The following GRID2 variants were observed in gnomAD, a reference collection of about 807,000 sequenced individuals.
GRID2 encodes the protein glutamate ionotropic receptor delta type subunit 2, also known as glutamate receptor ionotropic, delta-2.
A neutral mutation model predicts 114.8 loss-of-function variants in GRID2; 33 were observed. That is an observed-to-expected ratio of 0.29 (90% CI 0.22 to 0.38). The LOEUF (loss-of-function observed/expected upper bound fraction) is 0.38. GRID2 is among the 10% of genes least tolerant of loss of function. The probability of loss-of-function intolerance (pLI) is 1.00; values close to 1 mark genes in which losing one functional copy is unlikely to be tolerated. For missense variants in GRID2, 1,184 were observed against 1,257.7 expected (o/e 0.94, Z 0.89); for synonymous variants, 505 against 449.9 (o/e 1.12, Z -1.55).
Position 92,460,053 on chromosome 4 carries a change from T to TATATATATATATATATATATATATATAC in GRID2, c.89-130077_89-130076insTATATATATATATATATATATATATACA, listed in dbSNP as rs1032538170. On this transcript the variant is annotated intron_variant, in intron 1 of 15. Transcript: ENST00000282020. ...CTCACTATATATATATATATATATATACACACACAACTTTTTGGTTCTGTT... is the reference window on the plus strand; with the variant it reads ...CTCACTATATATATATATATATATATATATATATATATATATATATATATATACACACACACAACTTTTTGGTTCTGTT... Among the ~76,000 whole-genome samples the TATATATATATATATATATATATATATAC allele has an allele frequency of 6.8e-4, 68 of 99,722 alleles. 1 individual carries two copies. Among genetic ancestry groups the TATATATATATATATATATATATATATAC allele is most frequent in the South Asian group, 1.2e-3 (3 of 2,506 alleles). The allele number at this position is 99,722 out of a possible 152,430, so 65.4% of individuals were successfully genotyped here.
At chr4:92,419,349 G>T (rs1731776249) in intron 1 of GRID2, among the ~76,000 whole-genome samples, 1 of 152,116 alleles carries the variant, frequency 6.6e-6, no homozygotes, top group Non-Finnish European at 1.5e-5. Context: ...AGAAGTAATT[G>T]AAGCTGTGGA....
At chr4:92,706,124 A>T (rs749429503) in intron 2 of GRID2, among the ~76,000 whole-genome samples, 32 of 152,090 alleles carry the variant, frequency 2.1e-4, no homozygotes, top group Non-Finnish European at 3.8e-4. Flanking sequence ...CCTAAGAAAA[A>T]CGGGGGAGCA....
intron 13 of GRID2, among the ~76,000 whole-genome samples, chr4:93,523,169 T>C (rs1167640712): frequency 5.3e-5 from 8 of 152,114 alleles, no homozygotes; most frequent in Non-Finnish European, 1.5e-5. Flanking sequence ...GTATGAGTGT[T>C]GTAGCAGAGA....
intron 8 of GRID2, among the ~76,000 whole-genome samples, chr4:93,312,550 G>C (rs770738744): frequency 2.0e-5 from 3 of 152,104 alleles, no homozygotes; most frequent in Non-Finnish European, 4.4e-5. Context: ...GGAAGTTGAG[G>C]GTAGGGAAGT....
chr4:93,563,491 G>A (rs552940883), intron 13 of GRID2, among the ~76,000 whole-genome samples: 9 of 151,876 alleles, frequency 5.9e-5, no homozygotes, highest in South Asian at 2.1e-4. Context: ...TGAATGTATC[G>A]TATAGATTTG....
chr4:92,788,004 A>T (rs1739402999), intron 2 of GRID2, among the ~76,000 whole-genome samples: 2 of 151,948 alleles, frequency 1.3e-5, no homozygotes, highest in South Asian at 4.1e-4. Context: ...TTCCAAAGCA[A>T]TGTAAGAGTT....
intron 4 of GRID2, among the ~76,000 whole-genome samples, chr4:93,113,983 G>T (rs535660113): frequency 5.9e-5 from 9 of 152,220 alleles, no homozygotes; most frequent in African/African-American, 2.2e-4. Flanking sequence ...GTTTGGTGAC[G>T]AAAGTAAGGG....
chr4:93,800,380 A>T (rs1734904459), intron 1 of GRID2, among the ~76,000 whole-genome samples: 1 of 152,228 alleles, frequency 6.6e-6, no homozygotes, highest in Admixed American at 6.5e-5. Context: ...AATGTCTGAC[A>T]CGTATCTTAT....
intron 5 of GRID2, 102 bp from the exon 6 acceptor site, chr4:93,216,636 C>T (rs2149482669): frequency 2.6e-6 from 2 of 757,928 alleles, no homozygotes; most frequent in Non-Finnish European, 2.2e-6. Flanking sequence ...CAATATATTA[C>T]AGTAACAGAA....
At chr4:93,555,604 AGTCAGG>A (rs1734237469) in intron 13 of GRID2, among the ~76,000 whole-genome samples, 1 of 152,202 alleles carries the variant, frequency 6.6e-6, no homozygotes, top group African/African-American at 2.4e-5. Flanking sequence ...CAGCAACCCC[AGTCAGG>A]GGCTTATAGA....
chr4:93,614,177 C>A (rs767860571), intron 13 of GRID2, among the ~76,000 whole-genome samples: 1 of 152,186 alleles, frequency 6.6e-6, no homozygotes, highest in Non-Finnish European at 1.5e-5. Context: ...AGCTCGCGCA[C>A]GGTGCGTGCA....
chr4:93,018,222 GAA>G (rs3078566), intron 2 of GRID2, among the ~76,000 whole-genome samples: 77,084 of 139,292 alleles, frequency 0.55, 21,421 homozygotes, highest in African/African-American at 0.71. Context: ...GTATTTTGTT[GAA>G]AAAAAAAAAA....
intron 8 of GRID2, among the ~76,000 whole-genome samples, chr4:93,302,099 A>T (rs1326311833): frequency 6.6e-6 from 1 of 152,170 alleles, no homozygotes; most frequent in South Asian, 2.1e-4. Context: ...AGAAGAAAAA[A>T]TATGTATTTT....
chr4:92,836,737 C>T (rs188547492), intron 2 of GRID2, among the ~76,000 whole-genome samples: 3 of 152,078 alleles, frequency 2.0e-5, no homozygotes, highest in Admixed American at 6.6e-5. Context: ...CACACACACA[C>T]ATAAATGTTA....
At chr4:93,675,717 A>G (rs564187126) in intron 14 of GRID2, among the ~76,000 whole-genome samples, 2 of 152,320 alleles carry the variant, frequency 1.3e-5, no homozygotes, top group Non-Finnish European at 1.5e-5. Context: ...TAGGAGAGAA[A>G]GGGGAAAATG....
chr4:93,124,030 G>C (rs1482082917), intron 4 of GRID2, among the ~76,000 whole-genome samples: 1 of 149,400 alleles, frequency 6.7e-6, no homozygotes, highest in Non-Finnish European at 1.5e-5. Flanking sequence ...TGGGTGCAGC[G>C]CACCAGCATG....
intron 12 of GRID2, among the ~76,000 whole-genome samples, chr4:93,500,204 A>G (rs1727961244): frequency 6.6e-6 from 1 of 152,066 alleles, no homozygotes; most frequent in African/African-American, 2.4e-5. Flanking sequence ...TGACCTTGTC[A>G]GGATTCCATA....
At chr4:93,008,032 C>CAAAAAAAAAA (rs1273416294) in intron 2 of GRID2, among the ~76,000 whole-genome samples, 1 of 62,492 alleles carries the variant, frequency 1.6e-5, no homozygotes, top group Non-Finnish European at 3.4e-5. Context: ...GAGACTGTCA[C>CAAAAAAAAAA]AAAAAAAAAA....
At chr4:92,384,124 T>C (rs1729751819) in intron 1 of GRID2, among the ~76,000 whole-genome samples, 1 of 151,324 alleles carries the variant, frequency 6.6e-6, no homozygotes. Context: ...GCAGTGTGTG[T>C]ATATGTGTGT....
Sources: gnomAD v4.1 joint callset for allele counts (sites outside exome capture counted in the v4.1 genomes callset) on GRCh38, gnomAD v4.1.1 for gene constraint, MANE v1.5 for transcripts, NCBI Gene and HGNC (gene_info 2026-07-23, HGNC 2026-07-21) for gene names.